The following RARB variants were observed in gnomAD, a reference collection of about 807,000 sequenced individuals.
RARB encodes the protein HBV-activated protein.
Under a neutral mutation model 51.9 loss-of-function variants are expected in RARB, and 17 were observed. The ratio of observed to expected loss-of-function variants is 0.33; its 90% confidence interval spans 0.22 to 0.49. The LOEUF (loss-of-function observed/expected upper bound fraction) is 0.49. Among genes scored for constraint, RARB ranks in the 20% least tolerant of loss-of-function variants. The probability of loss-of-function intolerance (pLI) is 0.99; values close to 1 mark genes in which losing one functional copy is unlikely to be tolerated. For synonymous variants in RARB, 215 were observed against 195.4 expected, an observed-to-expected ratio of 1.10 and a Z score of -0.84; for missense variants, 369 against 550.8, an observed-to-expected ratio of 0.67 and a Z score of 3.30.
chr3:25,221,600 A>C (rs1701949579), intron 5 of RARB, among the ~76,000 whole-genome samples: 1 of 152,122 alleles, frequency 6.6e-6, no homozygotes, highest in African/African-American at 2.4e-5. Context: ...TCCCCCTAAA[A>C]GTAATCTGTC....
chr3:25,554,849 C>T (rs759751135), intron 3 of RARB, among the ~76,000 whole-genome samples: 7 of 152,166 alleles, frequency 4.6e-5, no homozygotes, highest in Non-Finnish European at 8.8e-5. Context: ...CACAGGGCCT[C>T]ATATGGCAAG....
chr3:25,332,689 G>A (rs1704938804), intron 5 of RARB, among the ~76,000 whole-genome samples: 1 of 152,190 alleles, frequency 6.6e-6, no homozygotes, highest in East Asian at 1.9e-4. Context: ...AATCAGGCAG[G>A]AGAAAGAAAT....
intron 4 of RARB, among the ~76,000 whole-genome samples, chr3:25,573,059 AC>A (rs1367606543): frequency 1.3e-5 from 2 of 151,198 alleles, no homozygotes; most frequent in African/African-American, 2.4e-5. Flanking sequence ...GGAGAGATAA[AC>A]CCCCCCAGCT....
chr3:24,831,306 C>T (rs547676740), intron 1 of RARB, among the ~76,000 whole-genome samples: 2 of 152,264 alleles, frequency 1.3e-5, no homozygotes, highest in East Asian at 3.9e-4. Flanking sequence ...GAACACATAA[C>T]AATTGATGGT....
Position 25,537,470 on chromosome 3 carries a change from C to G in RARB, c.449-32288C>G, listed in dbSNP as rs564118158. 2.0e-5 allele frequency among the ~76,000 whole-genome samples: 3 copies of G among 152,320 alleles called. No homozygotes were observed. The South Asian group carries it at 6.2e-4, about 32-fold the overall frequency. On this transcript the variant is annotated intron_variant, in intron 3 of 7. Transcript: ENST00000330688. The stretch of plus-strand genomic sequence containing the variant: ...ATTGATATAGTCTACATTCGCAATA[C>G]TATGCACTGACTCATTCAGTTTTCA...
chr3:24,994,417 G>A (rs975100609), intron 2 of RARB, among the ~76,000 whole-genome samples: 3 of 152,046 alleles, frequency 2.0e-5, no homozygotes, highest in Non-Finnish European at 4.4e-5. Context: ...CAGATGAGTA[G>A]TTTGCAAATA....
At chr3:25,248,455 C>T (rs942358746) in intron 5 of RARB, among the ~76,000 whole-genome samples, 2 of 152,008 alleles carry the variant, frequency 1.3e-5, no homozygotes, top group Admixed American at 6.6e-5. Context: ...TCTTTCTCTC[C>T]TGTTTATCAT....
In RARB at chr3:25,201,605, A is replaced by G. The variant is rs139362834; in HGVS notation, c.178+27030A>G. On this transcript the variant is annotated intron_variant, in intron 5 of 11. Transcript: ENST00000383772. ...CTCTTATTATTTTGAGATAGGTCCC[A>G]TCAATACCTAATTTATTGAGAGTTT... 3.3e-3 allele frequency among the ~76,000 whole-genome samples: 510 copies of G among 152,290 alleles called. 1 individual carries two copies. Among genetic ancestry groups the G allele is most frequent in the African/African-American group, 0.011 (472 of 41,560 alleles).
intron 5 of RARB, among the ~76,000 whole-genome samples, chr3:25,390,946 T>C (rs1342663540): frequency 6.6e-6 from 1 of 152,060 alleles, no homozygotes; most frequent in Non-Finnish European, 1.5e-5. Context: ...CGGTGTTTGG[T>C]TACATGAATA....
intron 5 of RARB, among the ~76,000 whole-genome samples, chr3:25,372,650 C>A (rs1197796869): frequency 6.6e-6 from 1 of 152,108 alleles, no homozygotes; most frequent in African/African-American, 2.4e-5. Flanking sequence ...TAATGAGACC[C>A]TGTCTTTACA....
chr3:25,000,923 T>C (rs1575113067), intron 2 of RARB, among the ~76,000 whole-genome samples: 1 of 152,178 alleles, frequency 6.6e-6, no homozygotes, highest in African/African-American at 2.4e-5. Context: ...GTCTCAGTTA[T>C]GTGTAGTTTT....
chr3:25,150,035 C>G (rs917354753), intron 4 of RARB, among the ~76,000 whole-genome samples: 1 of 152,008 alleles, frequency 6.6e-6, no homozygotes, highest in South Asian at 2.1e-4. Flanking sequence ...AACCCTGTCT[C>G]TACTAAAAAT....
At chr3:25,058,767 C>T (rs1698491046) in intron 2 of RARB, among the ~76,000 whole-genome samples, 1 of 151,488 alleles carries the variant, frequency 6.6e-6, no homozygotes, top group Non-Finnish European at 1.5e-5. Context: ...TATTGGATTC[C>T]ATTAAAATGA....
chr3:25,466,896 A>T (rs969979958), intron 2 of RARB, among the ~76,000 whole-genome samples: 3 of 152,236 alleles, frequency 2.0e-5, no homozygotes, highest in African/African-American at 7.2e-5. Context: ...GCCCTTGATG[A>T]TGTTATTCTT....
At chr3:25,513,536 C>A (rs1317188364) in intron 3 of RARB, among the ~76,000 whole-genome samples, 1 of 152,078 alleles carries the variant, frequency 6.6e-6, no homozygotes, top group East Asian at 1.9e-4. Context: ...CCACTTTGCA[C>A]CATATGAGTG....
At chr3:25,234,582 A>G (rs1702259331) in intron 5 of RARB, among the ~76,000 whole-genome samples, 1 of 151,816 alleles carries the variant, frequency 6.6e-6, no homozygotes, top group Non-Finnish European at 1.5e-5. Context: ...GTGAACCTGG[A>G]ACCTGTGTCA....
At chr3:24,947,535 G>T (rs1351806262) in intron 2 of RARB, among the ~76,000 whole-genome samples, 1 of 152,194 alleles carries the variant, frequency 6.6e-6, no homozygotes, top group Non-Finnish European at 1.5e-5. Context: ...CCACTTCGTG[G>T]AAGCATGGAC....
intron 5 of RARB, among the ~76,000 whole-genome samples, chr3:25,209,354 G>A (rs1025013120): frequency 6.6e-6 from 1 of 152,182 alleles, no homozygotes; most frequent in Non-Finnish European, 1.5e-5. Context: ...TCATCCCATA[G>A]GTGGGTGTTG....
At chr3:24,917,092 T>A (rs1408012671) in intron 2 of RARB, among the ~76,000 whole-genome samples, 4 of 152,192 alleles carry the variant, frequency 2.6e-5, no homozygotes, top group Non-Finnish European at 5.9e-5. Flanking sequence ...TCAACTTTTG[T>A]TTTTTAAAAA....
Sources: gnomAD v4.1 joint callset for allele counts (sites outside exome capture counted in the v4.1 genomes callset) on GRCh38, gnomAD v4.1.1 for gene constraint, MANE v1.5 for transcripts, NCBI Gene and HGNC (gene_info 2026-07-23, HGNC 2026-07-21) for gene names.